TENM2: variants seen among roughly 807,000 people sequenced by gnomAD.
TENM2 encodes teneurin transmembrane protein 2, also known as teneurin-2.
TENM2 carries 52 observed loss-of-function variants against 245.2 expected under a neutral mutation model. The ratio of observed to expected loss-of-function variants is 0.21; its 90% CI spans 0.17 to 0.27. The LOEUF (loss-of-function observed/expected upper bound fraction) is 0.27, where lower values mean the gene tolerates loss of function less well. TENM2 is among the 10% of genes least tolerant of loss of function. TENM2 has a pLI of 1.00. For missense variants in TENM2, 3,046 were observed against 3,666.8 expected (o/e 0.83, Z 4.37); for synonymous variants, 1,363 against 1,438.9 (o/e 0.95, Z 1.19).
intron 2 of TENM2, among the ~76,000 whole-genome samples, chr5:167,801,739 G>C (rs1004190703): frequency 6.6e-6 from 1 of 152,134 alleles, no homozygotes; most frequent in African/African-American, 2.4e-5. Flanking sequence ...TATTTGATTT[G>C]TATGTATGGA....
chr5:167,316,657 G>T (rs1039920206), intron 1 of TENM2, among the ~76,000 whole-genome samples: 1 of 152,102 alleles, frequency 6.6e-6, no homozygotes, highest in Non-Finnish European at 1.5e-5. Context: ...TTGTATATGT[G>T]TATTAAGTTC....
At chr5:168,193,299 T>G (rs771932404) in intron 14 of TENM2, among the ~76,000 whole-genome samples, 2 of 151,804 alleles carry the variant, frequency 1.3e-5, no homozygotes, top group Non-Finnish European at 2.9e-5. Flanking sequence ...AAGCTAGGAG[T>G]AAAAAAGAAC....
chr5:167,469,734 T>A (rs1012100197), intron 2 of TENM2, among the ~76,000 whole-genome samples: 9 of 152,126 alleles, frequency 5.9e-5, no homozygotes, highest in African/African-American at 1.9e-4. Context: ...ATCCTAGATT[T>A]TTTTTTCAGA....
At chr5:167,849,111 A>T (rs1770325524) in intron 2 of TENM2, among the ~76,000 whole-genome samples, 1 of 152,182 alleles carries the variant, frequency 6.6e-6, no homozygotes, top group Admixed American at 6.5e-5. Flanking sequence ...TTCTGGGGAC[A>T]CCATGGGAGA....
intron 2 of TENM2, among the ~76,000 whole-genome samples, chr5:167,588,282 C>G (rs1469959255): frequency 6.6e-6 from 1 of 152,178 alleles, no homozygotes; most frequent in Non-Finnish European, 1.5e-5. Flanking sequence ...GGCTAATAGG[C>G]TAAGCCTGGT....
the TENM2 span, among the ~76,000 whole-genome samples, chr5:167,233,700 A>C: frequency 6.6e-6 from 1 of 152,298 alleles, no homozygotes; most frequent in Admixed American, 6.5e-5. Context: ...TTTTTCCCCT[A>C]AGTATAAAAG....
chr5:167,419,864 A>T (rs1763388721), intron 2 of TENM2, among the ~76,000 whole-genome samples: 1 of 152,222 alleles, frequency 6.6e-6, no homozygotes, highest in Admixed American at 6.5e-5. Flanking sequence ...ATTGTAAGTA[A>T]CAAGAGGGGA....
At chr5:168,227,223 G>T (rs1238279205) in intron 24 of TENM2, among the ~76,000 whole-genome samples, 1 of 152,188 alleles carries the variant, frequency 6.6e-6, no homozygotes. Context: ...AAGGTCAGAC[G>T]TCTGATTGAC....
intron 2 of TENM2, among the ~76,000 whole-genome samples, chr5:167,527,789 A>C (rs1446625536): frequency 1.2e-4 from 19 of 152,148 alleles, no homozygotes; most frequent in Admixed American, 1.2e-3. Context: ...TTATTGGATG[A>C]AGGTTTAATC....
chr5:167,084,589 T>G, the TENM2 span, among the ~76,000 whole-genome samples: 2 of 151,816 alleles, frequency 1.3e-5, no homozygotes, highest in African/African-American at 4.8e-5. Context: ...TGGTACACTA[T>G]GTCATCACTT....
At chr5:167,974,117 AG>A (rs1326089476) in intron 4 of TENM2, among the ~76,000 whole-genome samples, 13 of 278 alleles carry the variant, frequency 0.047, 2 homozygotes, top group African/African-American at 0.067. Context: ...GAAAGGAGGG[AG>A]GAAGGAAGGA....
chr5:167,283,200 G>T (rs1427409828), upstream of TENM2, among the ~76,000 whole-genome samples: 1 of 151,726 alleles, frequency 6.6e-6, no homozygotes, highest in Non-Finnish European at 1.5e-5. Flanking sequence ...CCCGCCACCA[G>T]GCCCAGCGAA....
At chr5:167,970,049 A>G (rs769023185) in intron 4 of TENM2, among the ~76,000 whole-genome samples, 27 of 152,240 alleles carry the variant, frequency 1.8e-4, no homozygotes, top group Non-Finnish European at 3.5e-4. Context: ...GTCACAGCCC[A>G]GCTCATATTG....
chr5:167,659,608 A>G (rs775065952), intron 2 of TENM2, among the ~76,000 whole-genome samples: 4 of 152,208 alleles, frequency 2.6e-5, no homozygotes, highest in Non-Finnish European at 4.4e-5. Flanking sequence ...AATGCTTGAT[A>G]TGTTTCCTCT....
chr5:167,790,203 A>G (rs1335453017), intron 2 of TENM2, among the ~76,000 whole-genome samples: 1 of 151,900 alleles, frequency 6.6e-6, no homozygotes, highest in African/African-American at 2.4e-5. Context: ...CTCTGCATGG[A>G]TTGATGGCAG....
chr5:167,073,618 T>C, the TENM2 span, among the ~76,000 whole-genome samples: 1 of 152,214 alleles, frequency 6.6e-6, no homozygotes, highest in Non-Finnish European at 1.5e-5. Flanking sequence ...TCTACCTGGA[T>C]AGATCCCCCT....
chr5:166,979,840 C>T, the TENM2 span, among the ~76,000 whole-genome samples: 2 of 151,992 alleles, frequency 1.3e-5, no homozygotes, highest in Non-Finnish European at 2.9e-5. Context: ...GAAGGACTGC[C>T]GGTTTCTCTC....
At chr5:167,315,183 A>G (rs1756285726) in intron 1 of TENM2, among the ~76,000 whole-genome samples, 1 of 152,140 alleles carries the variant, frequency 6.6e-6, no homozygotes. Context: ...ACATTATCAA[A>G]CTGCTTATCA....
At position 168,195,551 on chromosome 5, in the gene TENM2, CGTGTGTGTGTGTGTGTGTGTGT is replaced by C. The variant is rs35040257; in HGVS notation, c.2900+295_2900+316del. Among the ~76,000 whole-genome samples, 485 of 98,238 alleles carry C rather than the reference CGTGTGTGTGTGTGTGTGTGTGT, an allele frequency of 4.9e-3. 5 individuals carry two copies. The highest frequency in any genetic ancestry group is 5.5e-3 in the Middle Eastern group (1 of 182). 64.4% of individuals were successfully genotyped at this position (98,238 alleles called of 152,430 possible). A position where few individuals can be genotyped will look rare whatever the true frequency, so the allele number is the denominator to read the frequency against. On this transcript the variant is annotated intron_variant, in intron 15 of 28. Transcript: ENST00000518659. ...GTTTTTTTAATGTCAGGTCAATGCA[CGTGTGTGTGTGTGTGTGTGTGT>C]GTGTGTGTGTGTGTGTGTGTGTGTG...
Sources: allele counts gnomAD v4.1 joint callset (sites outside exome capture counted in the v4.1 genomes callset), GRCh38; gene constraint gnomAD v4.1.1; transcripts MANE v1.5; gene names NCBI Gene and HGNC (gene_info 2026-07-23, HGNC 2026-07-21).